The following ZNF184 variants were observed in gnomAD, a reference collection of about 807,000 sequenced individuals.
ZNF184 encodes zinc finger protein 184.
In ZNF184, 16 loss-of-function variants were observed where a neutral mutation model predicts 54.4. That is an observed-to-expected ratio of 0.29 (90% CI 0.20 to 0.45). The LOEUF is 0.45. Among genes scored for constraint, ZNF184 ranks in the 20% least tolerant of loss-of-function variants. ZNF184 has a pLI of 1.00. For synonymous variants in ZNF184, 254 were observed against 295.3 expected, an observed-to-expected ratio of 0.86 and a Z score of 1.43; for missense variants, 681 against 888.2, an observed-to-expected ratio of 0.77 and a Z score of 2.97.
chr6:27,411,891 C>A, the ZNF184 span, among the ~76,000 whole-genome samples: 3 of 152,194 alleles, frequency 2.0e-5, no homozygotes, highest in Admixed American at 6.5e-5. Context: ...TTGCCCAGGG[C>A]CCCTAGCCCA....
the ZNF184 span, chr6:27,407,924 T>G: frequency 8.0e-7 from 1 of 1,248,364 alleles, no homozygotes; most frequent in Non-Finnish European, 1.2e-6. Context: ...TAAGAGATGG[T>G]GTTTTGAGAG....
the ZNF184 span, chr6:27,407,893 G>A: frequency 1.1e-6 from 1 of 902,250 alleles, no homozygotes; most frequent in Non-Finnish European, 1.9e-6. Flanking sequence ...CCACTAATGA[G>A]TGAAGATGAG....
chr6:27,450,069 A>C (rs1360610218), downstream of ZNF184, among the ~76,000 whole-genome samples: 3 of 152,232 alleles, frequency 2.0e-5, no homozygotes, highest in African/African-American at 7.2e-5. Flanking sequence ...GCTAGTAGAG[A>C]TGTTTTTGAG....
the ZNF184 span, among the ~76,000 whole-genome samples, chr6:27,423,471 A>G: frequency 4.6e-5 from 7 of 152,174 alleles, no homozygotes; most frequent in African/African-American, 9.7e-5. Flanking sequence ...GAGTTTGAAG[A>G]AAGATGAGCC....
At chr6:27,448,718 AC>A (rs1351653521), downstream of ZNF184, among the ~76,000 whole-genome samples, 1 of 150,310 alleles carries the variant, frequency 6.7e-6, no homozygotes, top group Non-Finnish European at 1.5e-5. Context: ...TTCCTTCACC[AC>A]CTCCAAGTGT....
chr6:27,451,774 G>A lies in ZNF184; in HGVS notation c.1785C>T (p.Phe595=). The change falls in exon 6 of 6, where the codon TTC becomes TTT. Residue 595 remains phenylalanine, a synonymous_variant. Transcript: ENST00000683788. The stretch of plus-strand genomic sequence containing the variant: ...GCTGTGTAAGGTGTATGTTCTGGTT[G>A]AATGCTCTCCCACACTCATTACACT... ...PYKCNECGRA[F]NQNIHLTQHK... The A allele has an allele frequency of 6.2e-7, 1 of 1,614,006 alleles. No homozygotes were observed. Among genetic ancestry groups the A allele is most frequent in the Non-Finnish European group, 8.5e-7 (1 of 1,179,976 alleles).
the ZNF184 span, among the ~76,000 whole-genome samples, chr6:27,429,235 T>A: frequency 1.3e-5 from 2 of 152,334 alleles, no homozygotes; most frequent in East Asian, 3.9e-4. Context: ...AGGATCTCTG[T>A]CTCCACAATT....
chr6:27,459,366 C>T (rs1390668372), intron 3 of ZNF184, among the ~76,000 whole-genome samples: 1 of 151,586 alleles, frequency 6.6e-6, no homozygotes, highest in East Asian at 1.9e-4. Context: ...ACAATTATTA[C>T]ATGTCAACTA....
Position 27,472,285 on chromosome 6 carries a change from T to C in ZNF184, c.7+3A>G, listed in dbSNP as rs774079738. 1 of 1,612,952 alleles carries C rather than the reference T, an allele frequency of 6.2e-7. No individual in the cohort carries two copies. Among genetic ancestry groups the C allele is most frequent in the Non-Finnish European group, 8.5e-7 (1 of 1,179,334 alleles). ...CCGCTCTCCCCCAAGTCGACCCCACTACCTTCCATCTCAGGAGCTCATCCC... is the reference window on the plus strand; with the variant it reads ...CCGCTCTCCCCCAAGTCGACCCCACCACCTTCCATCTCAGGAGCTCATCCC... On this transcript the variant is annotated splice_donor_region_variant and intron_variant, in intron 2 of 5. Coordinates refer to ENST00000683788, the MANE Select transcript of ZNF184 (RefSeq NM_001318891.2). This position sits in a 1 kb window ranked among gnomAD's most constrained non-coding sequence, Gnocchi z 4.8.
the ZNF184 span, among the ~76,000 whole-genome samples, chr6:27,416,814 A>T: frequency 6.6e-6 from 1 of 152,118 alleles, no homozygotes; most frequent in Non-Finnish European, 1.5e-5. Flanking sequence ...TTTTGTTATG[A>T]ATTTGTCTTA....
chr6:27,455,730 T>C (rs1171906954), intron 5 of ZNF184, among the ~76,000 whole-genome samples: 2 of 152,126 alleles, frequency 1.3e-5, no homozygotes, highest in Non-Finnish European at 2.9e-5. Flanking sequence ...AAAAAATCTC[T>C]GAGTGGTACT....
the ZNF184 span, among the ~76,000 whole-genome samples, chr6:27,420,200 A>G: frequency 6.6e-6 from 1 of 152,196 alleles, no homozygotes. Flanking sequence ...GCTTCTATGG[A>G]TTATAATATT....
At chr6:27,425,915 A>G in the ZNF184 span, among the ~76,000 whole-genome samples, 1 of 152,194 alleles carries the variant, frequency 6.6e-6, no homozygotes, top group Non-Finnish European at 1.5e-5. Flanking sequence ...CCTTATCAAG[A>G]TCAGAGTTCT....
At chr6:27,467,704 C>A in intron 3 of ZNF184, 149 bp downstream of exon 3, 1 of 623,248 alleles carries the variant, frequency 1.6e-6, no homozygotes, top group East Asian at 3.1e-5. Flanking sequence ...GCTGGAGAGG[C>A]ACAGCTAGGA....
chr6:27,425,199 C>G, the ZNF184 span, among the ~76,000 whole-genome samples: 1 of 152,216 alleles, frequency 6.6e-6, no homozygotes, highest in East Asian at 1.9e-4. Context: ...GGTTCCCGCT[C>G]GCGCCTCTCC....
chr6:27,423,482 A>G, the ZNF184 span, among the ~76,000 whole-genome samples: 1 of 152,142 alleles, frequency 6.6e-6, no homozygotes, highest in African/African-American at 2.4e-5. Flanking sequence ...AAGATGAGCC[A>G]CTAGATAAAG....
the ZNF184 span, among the ~76,000 whole-genome samples, chr6:27,442,802 G>GAAAGAAAGAGAAAGAA: frequency 2.2e-5 from 2 of 91,038 alleles, no homozygotes; most frequent in Non-Finnish European, 4.4e-5. Context: ...AAGAAAGAAA[G>GAAAGAAAGAGAAAGAA]AGAAAGAAAG....
the ZNF184 span, among the ~76,000 whole-genome samples, chr6:27,412,736 T>C: frequency 6.6e-6 from 1 of 152,030 alleles, no homozygotes; most frequent in Admixed American, 6.6e-5. Context: ...AAGATGTACA[T>C]TGGTTTGGTT....
the ZNF184 span, chr6:27,407,630 G>A: frequency 8.4e-6 from 5 of 596,028 alleles, no homozygotes; most frequent in African/African-American, 1.8e-5. Context: ...AACAAGTGGA[G>A]GTGTGTGCCT....
Sources: gnomAD v4.1 joint callset for allele counts (sites outside exome capture counted in the v4.1 genomes callset) on GRCh38, gnomAD v4.1.1 for gene constraint, Gnocchi (gnomAD v3.1) non-coding constraint, MANE v1.5 for transcripts, NCBI Gene and HGNC (gene_info 2026-07-23, HGNC 2026-07-21) for gene names.